Variants in GAPVD1 observed in about 807,000 individuals in gnomAD.
GAPVD1 encodes the protein GTPase activating protein and VPS9 domains 1, also known as GTPase-activating protein and VPS9 domain-containing protein 1.
GAPVD1 carries 35 observed loss-of-function variants against 155.5 expected under a neutral mutation model. That is an observed-to-expected ratio of 0.23 (90% CI 0.17 to 0.30). GAPVD1 has a LOEUF of 0.30. Among genes scored for constraint, GAPVD1 ranks in the 10% least tolerant of loss-of-function variants. The pLI is 1.00. For synonymous variants in GAPVD1, 636 were observed against 619.7 expected (o/e 1.03, Z -0.39); for missense variants, 1,429 against 1,775.7 (o/e 0.80, Z 3.51).
chr9:125,275,623 C>G (rs1413903191), intron 2 of GAPVD1, among the ~76,000 whole-genome samples: 3 of 151,998 alleles, frequency 2.0e-5, no homozygotes, highest in Non-Finnish European at 4.4e-5. Context: ...GTGGCACATA[C>G]GTGTAGTCCC....
At position 125,365,881 on chromosome 9, in the gene GAPVD1, C is replaced by T. The variant is rs920943009; in HGVS notation, c.*3135C>T. On this transcript the variant is annotated 3_prime_UTR_variant, in exon 28 of 28. Transcript: ENST00000297933. ...CTCGAACTCCTGGCCTCAAGTGATC[C>T]GCCTACCTCGGCTTCCCAAAGTGCT... is the stretch of plus-strand genomic sequence containing the variant. 2.0e-5 allele frequency: 3 copies of T among 152,204 alleles called. No homozygotes were observed. Among genetic ancestry groups the T allele is most frequent in the South Asian group, 4.1e-4 (2 of 4,836 alleles). 9.4% of individuals were successfully genotyped at this position (152,204 alleles called of 1,614,324 possible). A position where few individuals can be genotyped will look rare whatever the true frequency, so the allele number is the denominator to read the frequency against.
At position 125,362,899 on chromosome 9, in the gene GAPVD1, G is replaced by A; in HGVS notation, c.*153G>A. On this transcript the variant is annotated 3_prime_UTR_variant, in exon 28 of 28. Transcript: ENST00000297933. ...GCAGATCTTTACTAAACAGGTTAAT[G>A]AGCTAACAAGCAGGTTCTCTCGTCT... The A allele has an allele frequency of 1.9e-6, 1 of 514,038 alleles. No individual in the cohort carries two copies. Among genetic ancestry groups the A allele is most frequent in the Non-Finnish European group, 3.3e-6 (1 of 306,630 alleles). 31.8% of individuals were successfully genotyped at this position (514,038 alleles called of 1,614,324 possible).
chr9:125,263,527 TG>T (rs992965234), intron 1 of GAPVD1: 473 of 839,990 alleles, frequency 5.6e-4, no homozygotes, highest in African/African-American at 4.3e-3. Context: ...GAAGAACTGT[TG>T]TTTTTTTTTT....
rs1847800802 is a variant in GAPVD1, at chr9:125,341,151, A to G, written c.2878-26A>G. 2 of 1,231,158 alleles carry G rather than the reference A, an allele frequency of 1.6e-6. No individual in the cohort carries two copies. Among genetic ancestry groups the G allele is most frequent in the Non-Finnish European group, 1.2e-6 (1 of 829,858 alleles). The allele number at this position is 1,231,158 out of a possible 1,614,324, so 76.3% of individuals were successfully genotyped here. ...TAATTTATCCTGCTATCCAACTCCA[A>G]ATAAAGCCTCCAACTTTTTCTACAG... On this transcript the variant is annotated intron_variant, in intron 17 of 27. Transcript: ENST00000297933.
chr9:125,309,629 C>T (rs552759541), intron 8 of GAPVD1, among the ~76,000 whole-genome samples: 43 of 152,270 alleles, frequency 2.8e-4, no homozygotes, highest in South Asian at 1.0e-3. Context: ...GCCACCGTGC[C>T]CGGGCACTTA....
At chr9:125,352,760 A>G (rs1031579713) in intron 23 of GAPVD1, among the ~76,000 whole-genome samples, 1 of 152,212 alleles carries the variant, frequency 6.6e-6, no homozygotes, top group Non-Finnish European at 1.5e-5. Context: ...TTTGTTTTCT[A>G]TCGCATTGTC....
intron 9 of GAPVD1, among the ~76,000 whole-genome samples, chr9:125,313,665 G>A (rs577606103): frequency 6.6e-6 from 1 of 152,120 alleles, no homozygotes; most frequent in African/African-American, 2.4e-5. Context: ...GCAATGGTGC[G>A]ATCTTTGCTC....
At chr9:125,300,184 ATTTTTTTT>A (rs762955122) in intron 4 of GAPVD1, among the ~76,000 whole-genome samples, 1 of 126,742 alleles carries the variant, frequency 7.9e-6, no homozygotes, top group Non-Finnish European at 1.7e-5. Flanking sequence ...CATTTATTTT[ATTTTTTTT>A]TTTTTTTGAG....
chr9:125,323,664 A>G, intron 10 of GAPVD1, 134 bp from the exon 11 acceptor site: 2 of 778,630 alleles, frequency 2.6e-6, no homozygotes, highest in Non-Finnish European at 4.2e-6. Context: ...CTCAAAGGGC[A>G]TGTGTTTTTT....
In GAPVD1 at chr9:125,354,637, A is replaced by C. The variant is rs766151649; in HGVS notation, c.3570-17A>C. On this transcript the variant is annotated splice_polypyrimidine_tract_variant and intron_variant, in intron 23 of 27. Coordinates refer to ENST00000297933, the MANE Select transcript of GAPVD1 (RefSeq NM_001282680.3). ...ACTGAATATATCTGATGTCATGCAA[A>C]GTATTTTTCCTTTTAGAAAAAGAGC... is the stretch of plus-strand genomic sequence containing the variant. 2.6e-6 allele frequency: 4 copies of C among 1,568,468 alleles called. No individual in the cohort carries two copies. The South Asian group carries it at 4.4e-5, about 17-fold the overall frequency.
intron 2 of GAPVD1, among the ~76,000 whole-genome samples, chr9:125,286,179 TTA>T (rs976175199): frequency 1.3e-5 from 2 of 152,112 alleles, no homozygotes; most frequent in African/African-American, 4.8e-5. Context: ...AGTGGCGCAA[TTA>T]TAGCTCACTG....
chr9:125,280,792 G>A (rs1233721160), intron 2 of GAPVD1, among the ~76,000 whole-genome samples: 1 of 151,860 alleles, frequency 6.6e-6, no homozygotes, highest in African/African-American at 2.4e-5. Context: ...AGCCAGGATG[G>A]TGTCAATCTC....
At chr9:125,296,299 T>G (rs1202694674) in intron 3 of GAPVD1, among the ~76,000 whole-genome samples, 4 of 148,468 alleles carry the variant, frequency 2.7e-5, no homozygotes, top group African/African-American at 1.0e-4. Context: ...TGCCTCAGCC[T>G]CCCAAAGTGC....
chr9:125,360,213 A>T (rs951298771), intron 26 of GAPVD1, among the ~76,000 whole-genome samples: 6 of 152,246 alleles, frequency 3.9e-5, no homozygotes, highest in African/African-American at 1.4e-4. Context: ...TACTAAATGT[A>T]GAGAAGTTCC....
intron 2 of GAPVD1, among the ~76,000 whole-genome samples, chr9:125,286,287 T>A (rs1002299246): frequency 1.3e-5 from 2 of 151,610 alleles, no homozygotes; most frequent in African/African-American, 4.9e-5. Context: ...CAAATTTTTT[T>A]ATTGTTGTTG....
At chr9:125,341,675 T>C (rs184586701) in intron 18 of GAPVD1, 1 of 161,722 alleles carries the variant, frequency 6.2e-6, no homozygotes, top group Admixed American at 6.0e-5. Context: ...TCATTGAGAA[T>C]GTTTATACTG....
Position 125,334,242 on chromosome 9 carries a change from G to A in GAPVD1, c.2428+1613G>A, listed in dbSNP as rs12348998. ...GCTGGGGCCCTAGCAGGATGCAAGG[G>A]CACCACACTGTATTCTTCACTCACA... On this transcript the variant is annotated intron_variant, in intron 15 of 27. Coordinates refer to ENST00000297933, the MANE Select transcript of GAPVD1 (RefSeq NM_001282680.3). Among the ~76,000 whole-genome samples, 1,387 of 147,640 alleles carry A rather than the reference G, an allele frequency of 9.4e-3. 65 individuals are homozygous for A. Among genetic ancestry groups the A allele is most frequent in the Admixed American group, 0.085 (1,240 of 14,662 alleles).
intron 2 of GAPVD1, among the ~76,000 whole-genome samples, chr9:125,291,458 A>G (rs1262563532): frequency 6.6e-6 from 1 of 152,118 alleles, no homozygotes; most frequent in East Asian, 1.9e-4. Context: ...TGGGATTTAC[A>G]CTAGCTAGGT....
chr9:125,289,912 A>G (rs1287739090), intron 2 of GAPVD1, among the ~76,000 whole-genome samples: 2 of 152,178 alleles, frequency 1.3e-5, no homozygotes, highest in Non-Finnish European at 2.9e-5. Context: ...GAGATAAGGG[A>G]ACTAACAAAG....
Sources: gnomAD v4.1 joint callset for allele counts (sites outside exome capture counted in the v4.1 genomes callset) on GRCh38, gnomAD v4.1.1 for gene constraint, MANE v1.5 for transcripts, NCBI Gene and HGNC (gene_info 2026-07-23, HGNC 2026-07-21) for gene names.